Variants in CRYBG1 observed in about 807,000 individuals in gnomAD.
CRYBG1 encodes the protein beta/gamma crystallin domain-containing protein 1.
A neutral mutation model predicts 189.2 loss-of-function variants in CRYBG1; 139 were observed. That is an observed-to-expected ratio of 0.73 (90% CI 0.64 to 0.85). The LOEUF (loss-of-function observed/expected upper bound fraction) is 0.85, where lower values mean the gene tolerates loss of function less well. Ranked by LOEUF, CRYBG1 falls within the 40% of genes least tolerant of loss-of-function variation. CRYBG1 has a pLI of 0.00. For missense variants in CRYBG1, 2,611 were observed against 2,675.8 expected (o/e 0.98, Z 0.53); for synonymous variants, 1,023 against 1,017.1 (o/e 1.01, Z -0.11).
intron 1 of CRYBG1, among the ~76,000 whole-genome samples, chr6:106,408,929 A>G (rs1770874617): frequency 6.7e-6 from 1 of 148,522 alleles, no homozygotes; most frequent in Non-Finnish European, 1.5e-5. Flanking sequence ...CTGAATGGAC[A>G]AAAGCTGGAA....
chr6:106,568,300 C>T (rs1774951530), intron 21 of CRYBG1, among the ~76,000 whole-genome samples, 172 bp from the exon 22 acceptor site: 1 of 152,222 alleles, frequency 6.6e-6, no homozygotes, highest in Admixed American at 6.5e-5. Flanking sequence ...CAGGTTGACC[C>T]TCTCATCCCA....
At chr6:106,488,134 G>A (rs922725990) in intron 2 of CRYBG1, among the ~76,000 whole-genome samples, 13 of 152,328 alleles carry the variant, frequency 8.5e-5, no homozygotes, top group African/African-American at 3.1e-4. Flanking sequence ...TATGACTGTG[G>A]TGGTATGGTT....
chr6:106,517,375 C>CACATATATATAT (rs1773455688), intron 3 of CRYBG1, among the ~76,000 whole-genome samples: 1 of 71,664 alleles, frequency 1.4e-5, no homozygotes, highest in Non-Finnish European at 3.3e-5. Flanking sequence ...TATATACACA[C>CACATATATATAT]ACACATATAC....
Position 106,519,938 on chromosome 6 carries a change from A to C in CRYBG1, c.2730A>C (p.Gly910=), listed in dbSNP as rs1220851405. The change falls in exon 4 of 22, where the codon GGA becomes GGC. Residue 910 remains glycine (G), a synonymous_variant. Transcript: ENST00000633556. ...TAAAAGTGTCAGAAAACCATAAAGG[A>C]TGTGTTTTGCCTGTGTCTCGTCAGA... ...TDLKVSENHK[G]CVLPVSRQNN... 1.2e-6 allele frequency: 2 copies of C among 1,614,048 alleles called. No homozygotes were observed. The highest frequency in any genetic ancestry group is 1.7e-6 in the Non-Finnish European group (2 of 1,180,034).
In CRYBG1 at chr6:106,511,951, C is replaced by G. The variant is rs1003812670; in HGVS notation, c.834C>G (p.Asp278Glu). ...AETPARSPGE[D>E]ASPGAGHEQE... ...CGCCCGCCCGCAGTCCGGGGGAGGA[C>G]GCTTCACCAGGTGCTGGCCACGAAC... The change falls in exon 3 of 22, where the codon GAC (aspartate) becomes GAG (glutamate). Residue 278 changes from aspartate (D) to glutamate (E), a missense_variant. Coordinates refer to ENST00000633556, the MANE Select transcript of CRYBG1 (RefSeq NM_001371242.2). 5 of 1,527,464 alleles carry G rather than the reference C, an allele frequency of 3.3e-6. No individual in the cohort carries two copies. In the African/African-American group the frequency reaches 5.5e-5, roughly 17 times the overall value. The allele number at this position is 1,527,464 out of a possible 1,614,324, so 94.6% of individuals were successfully genotyped here. A position where few individuals can be genotyped will look rare whatever the true frequency, so the allele number is the denominator to read the frequency against.
intron 1 of CRYBG1, among the ~76,000 whole-genome samples, chr6:106,429,904 G>A (rs1359077839): frequency 2.0e-5 from 3 of 152,146 alleles, no homozygotes; most frequent in Non-Finnish European, 4.4e-5. Flanking sequence ...AAGGTGCTTA[G>A]TACTATTGAG....
intron 2 of CRYBG1, among the ~76,000 whole-genome samples, chr6:106,496,830 G>T (rs17067110): frequency 6.6e-6 from 1 of 152,064 alleles, no homozygotes; most frequent in Admixed American, 6.5e-5. Flanking sequence ...CTAGTGAGAC[G>T]ACATTTTAAT....
chr6:106,403,909 C>G (rs1203786400), intron 1 of CRYBG1, among the ~76,000 whole-genome samples: 1 of 152,124 alleles, frequency 6.6e-6, no homozygotes, highest in African/African-American at 2.4e-5. Context: ...TAGAGAGATG[C>G]TAGGAATTTG....
At chr6:106,398,565 C>A (rs1052355981) in intron 1 of CRYBG1, among the ~76,000 whole-genome samples, 4 of 152,178 alleles carry the variant, frequency 2.6e-5, no homozygotes, top group African/African-American at 9.7e-5. Context: ...GAAGTACATT[C>A]TTTTGAACTA....
At chr6:106,483,401 T>TATATATATATATATATATATATA in intron 2 of CRYBG1, among the ~76,000 whole-genome samples, 1 of 95,704 alleles carries the variant, frequency 1.0e-5, no homozygotes, top group African/African-American at 3.0e-5. Flanking sequence ...GATATATATA[T>TATATATATATATATATATATATA]AAAACATTTT....
chr6:106,548,154 G>A (rs1774308143), intron 13 of CRYBG1, among the ~76,000 whole-genome samples: 2 of 152,168 alleles, frequency 1.3e-5, no homozygotes, highest in Admixed American at 1.3e-4. Flanking sequence ...ACAGAGGAGT[G>A]TTGATTCATG....
intron 8 of CRYBG1, among the ~76,000 whole-genome samples, chr6:106,535,168 A>G (rs1245017633): frequency 6.6e-6 from 1 of 152,114 alleles, no homozygotes; most frequent in Non-Finnish European, 1.5e-5. Context: ...AACCTAGACC[A>G]TTACCAACAT....
At chr6:106,534,618 C>T (rs1352577119) in intron 8 of CRYBG1, among the ~76,000 whole-genome samples, 1 of 152,198 alleles carries the variant, frequency 6.6e-6, no homozygotes, top group Non-Finnish European at 1.5e-5. Context: ...CTAGATTAAG[C>T]TCTTCTACTC....
At chr6:106,433,720 T>C (rs1336922531) in intron 1 of CRYBG1, among the ~76,000 whole-genome samples, 1 of 61,046 alleles carries the variant, frequency 1.6e-5, no homozygotes, top group African/African-American at 1.1e-4. Flanking sequence ...AACTGGGAAA[T>C]ATATATATAT....
chr6:106,361,052 C>G lies in CRYBG1; in HGVS notation c.144C>G (p.His48Gln). Residue 48 changes from histidine to glutamine, a missense_variant, in exon 1 of 22, where the codon CAC (histidine) becomes CAG (glutamine). By Grantham distance (24) the His-to-Gln change is conservative. Coordinates refer to ENST00000633556, the MANE Select transcript of CRYBG1 (RefSeq NM_001371242.2). ...APPDCGVFVP[H>Q]PLPAPAGEAR... ...CTGACTGTGGGGTGTTCGTTCCGCACCCGCTCCCGGCGCCTGCCGGAGAGG... is the reference window on the plus strand; with the variant it reads ...CTGACTGTGGGGTGTTCGTTCCGCAGCCGCTCCCGGCGCCTGCCGGAGAGG... 6.5e-7 allele frequency: 1 copy of G among 1,534,952 alleles called. No individual in the cohort carries two copies. Among genetic ancestry groups the G allele is most frequent in the Non-Finnish European group, 8.7e-7 (1 of 1,146,528 alleles).
At chr6:106,386,055 G>A (rs1477410603) in intron 1 of CRYBG1, among the ~76,000 whole-genome samples, 2 of 152,170 alleles carry the variant, frequency 1.3e-5, no homozygotes, top group Non-Finnish European at 2.9e-5. Flanking sequence ...GTCTCCACGT[G>A]GCGAAGCAGT....
rs147944381 is a variant in CRYBG1 at position 106,409,688 on chromosome 6, G to A, written c.174-42006G>A. 1.6e-3 allele frequency among the ~76,000 whole-genome samples: 248 copies of A among 152,172 alleles called. 3 individuals are homozygous for A. The highest frequency in any genetic ancestry group is 5.6e-3 in the African/African-American group (232 of 41,494). On this transcript the variant is annotated intron_variant, in intron 1 of 21. Transcript: ENST00000633556. ...TACCAAAACAGATATATAGACCAAT[G>A]GAACAGAACAGAAGCCTCAGAAATA...
intron 3 of CRYBG1, among the ~76,000 whole-genome samples, chr6:106,518,131 T>C (rs997962357): frequency 5.3e-5 from 8 of 152,112 alleles, no homozygotes; most frequent in African/African-American, 1.9e-4. Flanking sequence ...GATATCAAAT[T>C]ATATGAACAG....
chr6:106,450,067 A>C (rs1771749963), intron 1 of CRYBG1, among the ~76,000 whole-genome samples: 1 of 43,544 alleles, frequency 2.3e-5, no homozygotes, highest in South Asian at 8.2e-4. Flanking sequence ...TCCAATAAAA[A>C]TACAAAAAAA....
Sources: gnomAD v4.1 joint callset for allele counts (sites outside exome capture counted in the v4.1 genomes callset) on GRCh38, gnomAD v4.1.1 for gene constraint, MANE v1.5 for transcripts, NCBI Gene and HGNC (gene_info 2026-07-23, HGNC 2026-07-21) for gene names.